ZC3H7A: variants seen among roughly 807,000 people sequenced by gnomAD.
ZC3H7A encodes zinc finger CCCH-type containing 7A.
In ZC3H7A, 44 loss-of-function variants were observed where a neutral mutation model predicts 125.5. That is an observed-to-expected ratio of 0.35 (90% CI 0.28 to 0.45). The LOEUF (loss-of-function observed/expected upper bound fraction) is 0.45. ZC3H7A is among the 20% of genes least tolerant of loss of function. The pLI, the probability that ZC3H7A is intolerant of heterozygous loss-of-function variation, is 1.00. For synonymous variants in ZC3H7A, 399 were observed against 391.2 expected (o/e 1.02, Z -0.23); for missense variants, 977 against 1,170.7 (o/e 0.83, Z 2.41).
chr16:11,794,022 T>C (rs1468700740), intron 1 of ZC3H7A, among the ~76,000 whole-genome samples: 3 of 152,172 alleles, frequency 2.0e-5, no homozygotes, highest in Non-Finnish European at 4.4e-5. Context: ...GCCAAGAGCC[T>C]CCCTCGGCAC....
At chr16:11,760,124 A>G (rs2052724309) in intron 19 of ZC3H7A, among the ~76,000 whole-genome samples, 2 of 38,426 alleles carry the variant, frequency 5.2e-5, no homozygotes, top group Non-Finnish European at 2.0e-4. Flanking sequence ...GAAAAAATGA[A>G]AAAAAAAAAA....
chr16:11,790,161 T>C (rs1456745252), intron 1 of ZC3H7A, among the ~76,000 whole-genome samples: 1 of 145,096 alleles, frequency 6.9e-6, no homozygotes, highest in Non-Finnish European at 1.5e-5. Flanking sequence ...ATTGACACAA[T>C]ACACCAAATG....
chr16:11,776,278 C>T lies in ZC3H7A; in HGVS notation c.585+42G>A, dbSNP rs761915000. Reference sequence around the variant, plus strand: ...AAAGTAGAATTGCTCCCATCCTTCCCTTTAAAAAAAAATATAATTTTGACA... The same window carrying T: ...AAAGTAGAATTGCTCCCATCCTTCCTTTTAAAAAAAAATATAATTTTGACA... On this transcript the variant is annotated intron_variant, in intron 7 of 22. Coordinates refer to ENST00000355758, the MANE Select transcript of ZC3H7A (RefSeq NM_014153.4). 1.4e-5 allele frequency: 21 copies of T among 1,549,700 alleles called. No homozygotes were observed. The East Asian group carries it at 4.4e-4, about 32-fold the overall frequency.
rs1437625465 is a variant in ZC3H7A at position 11,765,082 on chromosome 16, C to T, written c.1791G>A (p.Pro597=). Residue 597 remains proline, a synonymous_variant, in exon 15 of 23, where the codon CCG becomes CCA. Coordinates refer to ENST00000355758, the MANE Select transcript of ZC3H7A (RefSeq NM_014153.4). The surrounding 1 kb of genome is among the most constrained non-coding windows in gnomAD (Gnocchi z 4.8). ...TGTCTTCAAACTCATGCTTTGTAAC[C>T]GGGTGAGAACAAGCAGTAGAATTAT... ...NKDNSTACSH[P]VTKHEFEDNK... 4 of 1,587,788 alleles carry T rather than the reference C, an allele frequency of 2.5e-6. No homozygotes were observed. Among genetic ancestry groups the T allele is most frequent in the South Asian group, 1.2e-5 (1 of 86,646 alleles).
intron 3 of ZC3H7A, among the ~76,000 whole-genome samples, chr16:11,779,800 G>C (rs1016333360): frequency 1.3e-5 from 2 of 152,016 alleles, no homozygotes; most frequent in African/African-American, 4.8e-5. Context: ...GTGTGTACAC[G>C]TGTGTGGGTA....
chr16:11,761,471 C>T lies in ZC3H7A; in HGVS notation c.2254G>A (p.Glu752Lys). ...CGGATGTTCATCCACTTCTTACGTTCAATAGACATCACTCTCATCGCACGC... is the reference window on the plus strand; with the variant it reads ...CGGATGTTCATCCACTTCTTACGTTTAATAGACATCACTCTCATCGCACGC... ...DRRAMRVMSI[E>K]RKKWMNIRPL... Residue 752 changes from glutamate (E) to lysine (K), a missense_variant, in exon 19 of 23, where the codon GAA (glutamate) becomes AAA (lysine). This residue lies in a region of ZC3H7A where 436 missense variants were observed against 603.2 expected (regional missense o/e 0.72). Coordinates refer to ENST00000355758, the MANE Select transcript of ZC3H7A (RefSeq NM_014153.4). The T allele has an allele frequency of 6.2e-7, 1 of 1,614,012 alleles. No individual in the cohort carries two copies. The highest frequency in any genetic ancestry group is 8.5e-7 in the Non-Finnish European group (1 of 1,180,004).
intron 1 of ZC3H7A, among the ~76,000 whole-genome samples, chr16:11,785,497 C>A (rs1164141763): frequency 7.9e-5 from 12 of 151,562 alleles, no homozygotes; most frequent in Admixed American, 7.9e-4. Context: ...GAGAGTGAGA[C>A]CCTGTCTCAA....
At chr16:11,770,477 C>T (rs2052960831) in intron 10 of ZC3H7A, among the ~76,000 whole-genome samples, 1 of 152,156 alleles carries the variant, frequency 6.6e-6, no homozygotes, top group Non-Finnish European at 1.5e-5. Flanking sequence ...AGATGAGATA[C>T]ACCTTTACGG....
intron 3 of ZC3H7A, among the ~76,000 whole-genome samples, chr16:11,780,127 CTTT>C (rs71406291): frequency 1.4e-5 from 2 of 141,470 alleles, no homozygotes; most frequent in African/African-American, 2.6e-5. Flanking sequence ...TTTTTCTTTT[CTTT>C]TTTTTTTTTG....
chr16:11,787,145 CA>C (rs1372059244), intron 1 of ZC3H7A, among the ~76,000 whole-genome samples: 4 of 105,178 alleles, frequency 3.8e-5, no homozygotes, highest in Non-Finnish European at 6.6e-5. Context: ...CCCATCTCTA[CA>C]AAAAATTAAG....
intron 12 of ZC3H7A, 118 bp from the exon 13 acceptor site, chr16:11,767,696 C>G: frequency 9.7e-7 from 1 of 1,028,256 alleles, no homozygotes; most frequent in Non-Finnish European, 1.3e-6. Flanking sequence ...CCACAGAAAT[C>G]CCACTTCCAC....
chr16:11,761,580 A>G (rs2141169330), intron 18 of ZC3H7A, 69 bp from the exon 19 acceptor site: 18 of 1,525,016 alleles, frequency 1.2e-5, no homozygotes, highest in Non-Finnish European at 1.6e-5. Flanking sequence ...AGGGAGAGGC[A>G]CAAAGTTTGT....
intron 10 of ZC3H7A, among the ~76,000 whole-genome samples, chr16:11,769,784 C>CTTTTTTTTTTTTTGTTTT: frequency 1.6e-5 from 1 of 61,608 alleles, no homozygotes; most frequent in Non-Finnish European, 2.6e-5. Flanking sequence ...CAATTGCTTT[C>CTTTTTTTTTTTTTGTTTT]TTTTTTTTTT....
intron 22 of ZC3H7A, 142 bp from the exon 23 acceptor site, chr16:11,751,648 AT>A: frequency 1.3e-6 from 1 of 791,518 alleles, no homozygotes; most frequent in Non-Finnish European, 1.9e-6. Context: ...AATGGTAAAT[AT>A]TTTATAGCCA....
intron 22 of ZC3H7A, 126 bp downstream of exon 22, chr16:11,752,543 T>C: frequency 8.2e-7 from 1 of 1,220,680 alleles, no homozygotes; most frequent in Non-Finnish European, 1.1e-6. Flanking sequence ...CCAAGAATCC[T>C]TCAGGGTCTG....
rs1157907722 is a variant in ZC3H7A, at chr16:11,765,719, C to G, written c.1523-34G>C. Reference sequence around the variant, plus strand: ...ACAGGGAATGGACAGACATTGAAAACATGGCAATTGGCCTGTACTCCCAGC... The same window carrying G: ...ACAGGGAATGGACAGACATTGAAAAGATGGCAATTGGCCTGTACTCCCAGC... On this transcript the variant is annotated intron_variant, in intron 13 of 22. Coordinates refer to ENST00000355758, the MANE Select transcript of ZC3H7A (RefSeq NM_014153.4). This position sits in a 1 kb window ranked among gnomAD's most constrained non-coding sequence, Gnocchi z 4.8. 6.3e-7 allele frequency: 1 copy of G among 1,593,314 alleles called. No individual in the cohort carries two copies. The highest frequency in any genetic ancestry group is 1.3e-5 in the African/African-American group (1 of 74,332).
chr16:11,772,531 G>A (rs903894213), intron 9 of ZC3H7A, among the ~76,000 whole-genome samples: 6 of 151,720 alleles, frequency 4.0e-5, no homozygotes, highest in African/African-American at 1.5e-4. Flanking sequence ...AACTTGCCCA[G>A]TATCACAGAG....
At chr16:11,752,900 G>A in intron 21 of ZC3H7A, 68 bp from the exon 22 acceptor site, 4 of 1,551,358 alleles carry the variant, frequency 2.6e-6, no homozygotes, top group Non-Finnish European at 3.5e-6. Flanking sequence ...ATTCCAGGGA[G>A]CCCAGGCTGG....
intron 9 of ZC3H7A, among the ~76,000 whole-genome samples, chr16:11,771,589 C>T (rs1029396964): frequency 6.6e-6 from 1 of 151,696 alleles, no homozygotes; most frequent in African/African-American, 2.4e-5. Context: ...CAACCTCCGC[C>T]TTCTGAGTTC....
Sources: allele counts gnomAD v4.1 joint callset (sites outside exome capture counted in the v4.1 genomes callset), GRCh38; gene constraint gnomAD v4.1.1; regional missense constraint gnomAD v4.1.1; non-coding constraint Gnocchi (gnomAD v3.1); transcripts MANE v1.5; gene names NCBI Gene and HGNC (gene_info 2026-07-23, HGNC 2026-07-21).